PTH2R: variants seen among roughly 807,000 people sequenced by gnomAD.
PTH2R encodes the protein parathyroid hormone 2 receptor.
A neutral mutation model predicts 60.3 loss-of-function variants in PTH2R; 59 were observed. That is an observed-to-expected ratio of 0.98 (90% CI 0.79 to 1.22). PTH2R has a LOEUF of 1.22. PTH2R is among the 50% of genes most tolerant of loss of function. PTH2R has a pLI of 0.00. For missense variants in PTH2R, 749 were observed against 682.6 expected (o/e 1.10, Z -1.08); for synonymous variants, 256 against 243.8 (o/e 1.05, Z -0.47).
rs61511423 is a variant in PTH2R at position 208,481,295 on chromosome 2, T to TG, written c.1076+131_1076+132insG. 32 of 537,242 alleles carry TG rather than the reference T, an allele frequency of 6.0e-5. No individual in the cohort carries two copies. In the Admixed American group the frequency reaches 6.7e-4, roughly 11 times the overall value. 33.3% of individuals were successfully genotyped at this position (537,242 alleles called of 1,614,324 possible). A position where few individuals can be genotyped will look rare whatever the true frequency, so the allele number is the denominator to read the frequency against. On this transcript the variant is annotated intron_variant, in intron 10 of 12. Transcript: ENST00000272847. Reference sequence around the variant, plus strand: ...GTGCAATGGCACAATCTCGGCTCACTCGCCTCCCGGGTTCAAGCAATTCTC... The same window carrying TG: ...GTGCAATGGCACAATCTCGGCTCACTGCGCCTCCCGGGTTCAAGCAATTCTC...
At chr2:208,386,718 C>T (rs542544289) in intron 1 of PTH2R, among the ~76,000 whole-genome samples, 1 of 152,298 alleles carries the variant, frequency 6.6e-6, no homozygotes, top group South Asian at 2.1e-4. Flanking sequence ...TTGCAAATCA[C>T]AGATTTCTCG....
At chr2:208,365,960 A>ATATATTTT (rs1700583520) in intron 1 of PTH2R, among the ~76,000 whole-genome samples, 1 of 16,118 alleles carries the variant, frequency 6.2e-5, no homozygotes, top group African/African-American at 2.4e-4. Flanking sequence ...ATATATATAT[A>ATATATTTT]TTTTTTTTTT....
At chr2:208,374,236 A>G (rs972996055) in intron 1 of PTH2R, among the ~76,000 whole-genome samples, 1 of 151,996 alleles carries the variant, frequency 6.6e-6, no homozygotes, top group Non-Finnish European at 1.5e-5. Context: ...CTCTTGATCC[A>G]TCACTCTCCT....
At chr2:208,402,121 C>A (rs1025193085), upstream of PTH2R, among the ~76,000 whole-genome samples, 2 of 152,188 alleles carry the variant, frequency 1.3e-5, no homozygotes, top group African/African-American at 4.8e-5. Flanking sequence ...AGGCAGTTTT[C>A]TTCCTGTTTT....
chr2:208,404,393 G>T (rs1701363359), upstream of PTH2R, among the ~76,000 whole-genome samples: 1 of 152,154 alleles, frequency 6.6e-6, no homozygotes, highest in South Asian at 2.1e-4. Context: ...GAAACTTTAA[G>T]ATTGGCGATT....
intron 8 of PTH2R, among the ~76,000 whole-genome samples, chr2:208,455,946 G>C (rs1702503317): frequency 6.6e-6 from 1 of 152,064 alleles, no homozygotes; most frequent in Admixed American, 6.6e-5. Flanking sequence ...AATTCTATTA[G>C]GTGTTATTTG....
chr2:208,406,172 G>C (rs1701401271), upstream of PTH2R, among the ~76,000 whole-genome samples: 1 of 152,008 alleles, frequency 6.6e-6, no homozygotes, highest in Non-Finnish European at 1.5e-5. Context: ...CAAGAGGCAA[G>C]AACAAGAGAT....
chr2:208,432,680 A>G (rs1701995985), intron 2 of PTH2R, among the ~76,000 whole-genome samples: 1 of 152,192 alleles, frequency 6.6e-6, no homozygotes, highest in African/African-American at 2.4e-5. Flanking sequence ...AAAAACAGGG[A>G]AGCCTTCAGT....
intron 2 of PTH2R, among the ~76,000 whole-genome samples, chr2:208,432,276 A>T (rs1365830437): frequency 6.6e-6 from 1 of 152,228 alleles, no homozygotes; most frequent in East Asian, 1.9e-4. Context: ...TCTAAAAAGT[A>T]TGAATAAGTT....
At chr2:208,421,658 A>C (rs911123535) in intron 1 of PTH2R, among the ~76,000 whole-genome samples, 1 of 152,194 alleles carries the variant, frequency 6.6e-6, no homozygotes, top group Non-Finnish European at 1.5e-5. Flanking sequence ...TAGAACATAA[A>C]AGCTTCAGCT....
intron 1 of PTH2R, among the ~76,000 whole-genome samples, chr2:208,395,554 T>C (rs1208493562): frequency 6.6e-6 from 1 of 152,190 alleles, no homozygotes; most frequent in African/African-American, 2.4e-5. Flanking sequence ...TTTCCTGATC[T>C]TGCCTAACAG....
chr2:208,363,355 G>T (rs1037815250), intron 1 of PTH2R, among the ~76,000 whole-genome samples: 2 of 152,130 alleles, frequency 1.3e-5, no homozygotes, highest in Non-Finnish European at 2.9e-5. Flanking sequence ...CAAAGGACAT[G>T]ATTTCGTTCT....
At chr2:208,406,371 T>C (rs938006782), upstream of PTH2R, among the ~76,000 whole-genome samples, 11 of 152,170 alleles carry the variant, frequency 7.2e-5, no homozygotes, top group African/African-American at 2.4e-4. Flanking sequence ...AGTATTATTA[T>C]AATGGTTAGG....
At chr2:208,446,998 T>G (rs1702299720) in intron 7 of PTH2R, among the ~76,000 whole-genome samples, 2 of 152,214 alleles carry the variant, frequency 1.3e-5, no homozygotes, top group Non-Finnish European at 2.9e-5. Flanking sequence ...GTTACTCATT[T>G]GGACCCAAAT....
At chr2:208,447,123 AT>A (rs1263222467) in intron 7 of PTH2R, among the ~76,000 whole-genome samples, 1 of 152,024 alleles carries the variant, frequency 6.6e-6, no homozygotes, top group African/African-American at 2.4e-5. Flanking sequence ...TTCTTTTTAA[AT>A]GTTTTATTAT....
At chr2:208,381,798 A>G (rs1162072170) in intron 1 of PTH2R, among the ~76,000 whole-genome samples, 3 of 152,122 alleles carry the variant, frequency 2.0e-5, no homozygotes, top group African/African-American at 7.3e-5. Flanking sequence ...TCAGTTAATC[A>G]AAAGAGAGAT....
intron 9 of PTH2R, among the ~76,000 whole-genome samples, chr2:208,461,094 G>A (rs1268094301): frequency 6.6e-6 from 1 of 151,986 alleles, no homozygotes; most frequent in Non-Finnish European, 1.5e-5. Context: ...GTTTAGAGAC[G>A]GAAATAAAAT....
intron 1 of PTH2R, among the ~76,000 whole-genome samples, chr2:208,397,496 A>G (rs1701233462): frequency 6.6e-6 from 1 of 152,148 alleles, no homozygotes; most frequent in South Asian, 2.1e-4. Context: ...ACACAGACAC[A>G]TGTGGAGTGG....
intron 1 of PTH2R, among the ~76,000 whole-genome samples, chr2:208,365,958 A>AT (rs1700582374): frequency 1.1e-4 from 2 of 18,726 alleles, no homozygotes; most frequent in Non-Finnish European, 1.8e-4. Context: ...ATATATATAT[A>AT]TATTTTTTTT....
Sources: gnomAD v4.1 joint callset for allele counts (sites outside exome capture counted in the v4.1 genomes callset) on GRCh38, gnomAD v4.1.1 for gene constraint, MANE v1.5 for transcripts, NCBI Gene and HGNC (gene_info 2026-07-23, HGNC 2026-07-21) for gene names.